MAP4K3: variants seen among roughly 807,000 people sequenced by gnomAD.
MAP4K3 encodes mitogen-activated protein kinase kinase kinase kinase 3.
A neutral mutation model predicts 143.5 loss-of-function variants in MAP4K3; 94 were observed. The observed-to-expected ratio is 0.65, with a 90% CI of 0.55 to 0.78. The LOEUF is 0.78. Among genes scored for constraint, MAP4K3 ranks in the 30% least tolerant of loss-of-function variants. The pLI is 0.00. For missense variants in MAP4K3, 1,077 were observed against 1,068.1 expected, an observed-to-expected ratio of 1.01 and a Z score of -0.12; for synonymous variants, 416 against 347.2, an observed-to-expected ratio of 1.20 and a Z score of -2.20.
intron 1 of MAP4K3, among the ~76,000 whole-genome samples, chr2:39,424,865 A>G (rs1410164152): frequency 6.6e-6 from 1 of 151,202 alleles, no homozygotes; most frequent in Non-Finnish European, 1.5e-5. Flanking sequence ...GTTACCTACA[A>G]GCACAAGAGG....
intron 28 of MAP4K3, among the ~76,000 whole-genome samples, chr2:39,263,422 A>G (rs1239107091): frequency 1.4e-5 from 2 of 144,018 alleles, no homozygotes; most frequent in African/African-American, 5.1e-5. Flanking sequence ...ACAGGCGCCC[A>G]CCATCACGCC....
chr2:39,426,454 T>C (rs1010902683), intron 1 of MAP4K3, among the ~76,000 whole-genome samples: 6 of 152,146 alleles, frequency 3.9e-5, no homozygotes, highest in African/African-American at 1.4e-4. Context: ...TATTTAAATT[T>C]CCTGATTTTG....
chr2:39,270,611 A>C (rs1193019629), intron 26 of MAP4K3, among the ~76,000 whole-genome samples: 1 of 152,204 alleles, frequency 6.6e-6, no homozygotes, highest in Non-Finnish European at 1.5e-5. Flanking sequence ...GAGGCTGTAT[A>C]ATTTACCCAA....
chr2:39,323,029 G>C (rs1168309377), intron 12 of MAP4K3, among the ~76,000 whole-genome samples: 1 of 152,054 alleles, frequency 6.6e-6, no homozygotes, highest in East Asian at 1.9e-4. Flanking sequence ...GAAATTCTTA[G>C]ATACATTCGT....
At chr2:39,363,566 G>A (rs760364819) in intron 2 of MAP4K3, among the ~76,000 whole-genome samples, 149 of 150,912 alleles carry the variant, frequency 9.9e-4, no homozygotes, top group Middle Eastern at 3.4e-3. Context: ...GTACTTTGGA[G>A]ACTGAGGTGG....
intron 1 of MAP4K3, among the ~76,000 whole-genome samples, chr2:39,411,634 A>T (rs1215917782): frequency 1.3e-5 from 2 of 152,250 alleles, no homozygotes; most frequent in African/African-American, 2.4e-5. Context: ...GTAAGCTTTT[A>T]TCTGGCAAAG....
intron 13 of MAP4K3, among the ~76,000 whole-genome samples, chr2:39,310,151 A>C (rs1248671194): frequency 6.6e-6 from 1 of 152,192 alleles, no homozygotes; most frequent in Non-Finnish European, 1.5e-5. Flanking sequence ...AATATACAAT[A>C]AATGATTGTT....
At chr2:39,360,860 C>T (rs544053248) in intron 2 of MAP4K3, among the ~76,000 whole-genome samples, 2 of 152,286 alleles carry the variant, frequency 1.3e-5, no homozygotes, top group East Asian at 3.9e-4. Context: ...CCCACAAAGT[C>T]CCTCCCATAA....
In MAP4K3 at chr2:39,278,380, A is replaced by C; in HGVS notation, c.1794+27T>G. The C allele has an allele frequency of 2.8e-6, 4 of 1,416,668 alleles. No individual in the cohort carries two copies. In the African/African-American group the frequency reaches 4.4e-5, roughly 16 times the overall value. 87.8% of individuals were successfully genotyped at this position (1,416,668 alleles called of 1,614,324 possible). ...ACTTATGGTAACTTAAAAATTAAAA[A>C]AAAAAAGAATATACAAAATAACATA... On this transcript the variant is annotated intron_variant, in intron 24 of 33. Transcript: ENST00000263881.
intron 1 of MAP4K3, among the ~76,000 whole-genome samples, chr2:39,394,597 C>T (rs1666754671): frequency 6.6e-6 from 1 of 152,008 alleles, no homozygotes; most frequent in Non-Finnish European, 1.5e-5. Context: ...CATTCCTCTC[C>T]ACAGAGACGG....
At chr2:39,354,967 A>G (rs1665565417) in intron 3 of MAP4K3, among the ~76,000 whole-genome samples, 1 of 152,144 alleles carries the variant, frequency 6.6e-6, no homozygotes, top group Non-Finnish European at 1.5e-5. Flanking sequence ...AGGGAAGGCC[A>G]GGCAGGATGA....
intron 7 of MAP4K3, among the ~76,000 whole-genome samples, chr2:39,333,001 G>C (rs1335703949): frequency 6.6e-6 from 1 of 151,866 alleles, no homozygotes; most frequent in African/African-American, 2.4e-5. Context: ...TCTTAAACTT[G>C]CAAATTAAGT....
intron 31 of MAP4K3, among the ~76,000 whole-genome samples, chr2:39,257,571 C>T (rs1000848255): frequency 2.6e-5 from 4 of 151,860 alleles, no homozygotes; most frequent in East Asian, 1.9e-4. Context: ...GAGGCCGAGG[C>T]GGGTGGATCA....
chr2:39,355,786 G>C (rs1304684197), intron 3 of MAP4K3, among the ~76,000 whole-genome samples: 1 of 152,104 alleles, frequency 6.6e-6, no homozygotes, highest in African/African-American at 2.4e-5. Flanking sequence ...GGAAAAATAA[G>C]TTACTGAGAT....
At chr2:39,261,814 C>G (rs1043640661) in intron 28 of MAP4K3, among the ~76,000 whole-genome samples, 2 of 152,006 alleles carry the variant, frequency 1.3e-5, no homozygotes, top group South Asian at 2.1e-4. Flanking sequence ...TGAACATATA[C>G]TTTATAATTC....
intron 1 of MAP4K3, among the ~76,000 whole-genome samples, chr2:39,402,333 T>G (rs1028115328): frequency 6.6e-6 from 1 of 152,152 alleles, no homozygotes; most frequent in Non-Finnish European, 1.5e-5. Flanking sequence ...GAGCAAAATT[T>G]TTTTGATTAA....
chr2:39,295,882 C>G (rs1273615168), intron 16 of MAP4K3, among the ~76,000 whole-genome samples: 1 of 151,984 alleles, frequency 6.6e-6, no homozygotes, highest in East Asian at 1.9e-4. Flanking sequence ...CCATGCCCGG[C>G]TAATTTTTGT....
intron 1 of MAP4K3, among the ~76,000 whole-genome samples, chr2:39,382,276 A>G (rs1666373352): frequency 6.6e-6 from 1 of 152,246 alleles, no homozygotes; most frequent in African/African-American, 2.4e-5. Flanking sequence ...GGTACAATAT[A>G]AAGTGGGTTA....
intron 1 of MAP4K3, among the ~76,000 whole-genome samples, chr2:39,428,091 A>T (rs1339538699): frequency 1.5e-5 from 2 of 134,010 alleles, no homozygotes; most frequent in Non-Finnish European, 2.9e-5. Flanking sequence ...TACAGTATTT[A>T]TATAGTTTTA....
Sources: gnomAD v4.1 joint callset for allele counts (sites outside exome capture counted in the v4.1 genomes callset) on GRCh38, gnomAD v4.1.1 for gene constraint, MANE v1.5 for transcripts, NCBI Gene and HGNC (gene_info 2026-07-23, HGNC 2026-07-21) for gene names.